RGS7: variants seen among roughly 807,000 people sequenced by gnomAD.
RGS7 encodes regulator of G protein signaling 7.
In RGS7, 27 loss-of-function variants were observed where a neutral mutation model predicts 81.1. The ratio of observed to expected loss-of-function variants is 0.33; its 90% CI spans 0.25 to 0.46. RGS7 has a LOEUF of 0.46. RGS7 is among the 20% of genes least tolerant of loss of function. The probability of loss-of-function intolerance (pLI) is 1.00; values close to 1 mark genes in which losing one functional copy is unlikely to be tolerated. For synonymous variants in RGS7, 208 were observed against 207.7 expected (o/e 1.00, Z -0.01); for missense variants, 396 against 607.4 (o/e 0.65, Z 3.66).
chr1:241,261,076 T>TA lies in RGS7; in HGVS notation c.78+94622dup, dbSNP rs921251413. Among the ~76,000 whole-genome samples the TA allele has an allele frequency of 8.7e-5, 13 of 148,996 alleles. 1 individual carries two copies. The South Asian group carries it at 1.9e-3, about 22-fold the overall frequency. Reference sequence around the variant, plus strand: ...ACCCTAAAACTTAAAGTATAATAATTAAAAAAAAATTAAAACAAAACAAAA... The same window carrying TA: ...ACCCTAAAACTTAAAGTATAATAATTAAAAAAAAAATTAAAACAAAACAAAA... On this transcript the variant is annotated intron_variant, in intron 2 of 18. Transcript: ENST00000440928.
intron 18 of RGS7, among the ~76,000 whole-genome samples, chr1:240,796,671 G>A (rs905040068): frequency 1.3e-5 from 2 of 152,138 alleles, no homozygotes; most frequent in Non-Finnish European, 2.9e-5. Flanking sequence ...GGGTGACAGA[G>A]TGAAATTGTG....
At chr1:240,850,745 C>G (rs1052994311) in intron 9 of RGS7, among the ~76,000 whole-genome samples, 1 of 152,180 alleles carries the variant, frequency 6.6e-6, no homozygotes, top group Admixed American at 6.5e-5. Flanking sequence ...AAGTGCTACT[C>G]TAGTGAACAC....
At chr1:241,292,805 G>A (rs985327658) in intron 2 of RGS7, among the ~76,000 whole-genome samples, 3 of 152,166 alleles carry the variant, frequency 2.0e-5, no homozygotes, top group African/African-American at 7.2e-5. Flanking sequence ...AGGAAACCAT[G>A]AGTCTTAAAA....
chr1:241,128,349 C>CA (rs1439890761), intron 2 of RGS7, among the ~76,000 whole-genome samples: 1 of 151,356 alleles, frequency 6.6e-6, no homozygotes, highest in East Asian at 1.9e-4. Context: ...TTTGGGAGGC[C>CA]AAGGCAGGCA....
chr1:240,907,935 T>C (rs1671096674), intron 6 of RGS7, among the ~76,000 whole-genome samples: 1 of 152,210 alleles, frequency 6.6e-6, no homozygotes, highest in Non-Finnish European at 1.5e-5. Context: ...ATTTAAATTA[T>C]AAACAATCTT....
rs189562349 is a variant in RGS7 at position 241,274,921 on chromosome 1, G to A, written c.78+80778C>T. Among the ~76,000 whole-genome samples the A allele has an allele frequency of 1.6e-4, 24 of 152,290 alleles. No individual in the cohort carries two copies. The East Asian group carries it at 1.7e-3, about 11-fold the overall frequency. On this transcript the variant is annotated intron_variant, in intron 2 of 18. Coordinates refer to ENST00000440928, the MANE Select transcript of RGS7 (RefSeq NM_001364886.1). ...ATAACATCACGACCAGAGTACTGAC[G>A]AGATATTTCCTTATCCAGGACGGAC...
intron 2 of RGS7, among the ~76,000 whole-genome samples, chr1:241,262,768 T>C (rs1228325396): frequency 3.9e-5 from 6 of 152,196 alleles, no homozygotes; most frequent in Non-Finnish European, 8.8e-5. Flanking sequence ...TGTTTCTACC[T>C]GCATTTCACT....
chr1:240,919,900 T>A, intron 6 of RGS7: 1 of 1,100,282 alleles, frequency 9.1e-7, no homozygotes, highest in Admixed American at 1.7e-5. Flanking sequence ...GGGAGAGTTG[T>A]GGAACCAAAG....
chr1:240,937,651 T>C (rs1676871982), intron 4 of RGS7, among the ~76,000 whole-genome samples: 1 of 152,232 alleles, frequency 6.6e-6, no homozygotes, highest in South Asian at 2.1e-4. Context: ...TTTATAGCAC[T>C]TTAAACTTTT....
chr1:241,092,583 A>T (rs2063957365), intron 3 of RGS7, among the ~76,000 whole-genome samples: 1 of 152,212 alleles, frequency 6.6e-6, no homozygotes, highest in Non-Finnish European at 1.5e-5. Context: ...CAATTTGAAG[A>T]CATAATGGTG....
chr1:241,356,127 A>T (rs1196028379), intron 1 of RGS7, among the ~76,000 whole-genome samples: 2 of 147,682 alleles, frequency 1.4e-5, no homozygotes, highest in African/African-American at 5.0e-5. Context: ...CGTGGGTAGC[A>T]TTTTCCTAGT....
Position 241,164,591 on chromosome 1 carries a change from AC to A in RGS7, c.79-65830del. Among the ~76,000 whole-genome samples, 1 of 152,282 alleles carries A rather than the reference AC, an allele frequency of 6.6e-6. No homozygotes were observed. The highest frequency in any genetic ancestry group is 2.4e-5 in the African/African-American group (1 of 41,570). ...TTCTACAATATCACAGGAGTCCTTG[AC>A]CAAACTAGATAGGCCAGGTCTGGCA... On this transcript the variant is annotated intron_variant, in intron 2 of 18. Transcript: ENST00000440928. The surrounding 1 kb of genome is among the most constrained non-coding windows in gnomAD (Gnocchi z 4.1).
intron 2 of RGS7, among the ~76,000 whole-genome samples, chr1:241,207,359 A>ATATATATATATATATATG (rs1558189464): frequency 6.6e-6 from 1 of 151,192 alleles, no homozygotes; most frequent in African/African-American, 2.4e-5. Context: ...ATATATATAT[A>ATATATATATATATATATG]TGCGTAAATA....
chr1:241,270,044 G>A (rs1188011385), intron 2 of RGS7, among the ~76,000 whole-genome samples: 1 of 152,266 alleles, frequency 6.6e-6, no homozygotes, highest in South Asian at 2.1e-4. Flanking sequence ...AATAAACTCA[G>A]GGACCTTGAG....
intron 6 of RGS7, chr1:240,920,230 G>C (rs1673279991): frequency 8.4e-7 from 1 of 1,193,002 alleles, no homozygotes; most frequent in Non-Finnish European, 1.2e-6. Flanking sequence ...TGCAGCCAAA[G>C]AGGTCGAAGT....
chr1:240,869,676 G>C (rs1020757275), intron 7 of RGS7, among the ~76,000 whole-genome samples: 1 of 151,894 alleles, frequency 6.6e-6, no homozygotes, highest in African/African-American at 2.4e-5. Context: ...GTGGTGGCTC[G>C]TGCCTGTAAT....
intron 2 of RGS7, among the ~76,000 whole-genome samples, chr1:241,308,310 T>C (rs1490103222): frequency 1.3e-5 from 2 of 152,222 alleles, no homozygotes; most frequent in Non-Finnish European, 2.9e-5. Context: ...TTTTGGTATT[T>C]AGCCTAGAAC....
intron 2 of RGS7, among the ~76,000 whole-genome samples, chr1:241,252,887 C>G (rs953216513): frequency 1.1e-4 from 16 of 152,290 alleles, no homozygotes; most frequent in African/African-American, 3.9e-4. Flanking sequence ...ACACTGCCCC[C>G]CTTATCCTCG....
At chr1:241,346,056 A>C (rs183278054) in intron 2 of RGS7, among the ~76,000 whole-genome samples, 9 of 152,262 alleles carry the variant, frequency 5.9e-5, no homozygotes, top group Admixed American at 2.0e-4. Context: ...CTATTTTTCA[A>C]CTTGCAGAGT....
Sources: allele counts gnomAD v4.1 joint callset (sites outside exome capture counted in the v4.1 genomes callset), GRCh38; gene constraint gnomAD v4.1.1; non-coding constraint Gnocchi (gnomAD v3.1); transcripts MANE v1.5; gene names NCBI Gene and HGNC (gene_info 2026-07-23, HGNC 2026-07-21).